Variants in GFRAL observed in about 807,000 individuals in gnomAD.
The protein encoded by GFRAL is GDNF family receptor alpha like.
GFRAL carries 36 observed loss-of-function variants against 45.4 expected under a neutral mutation model. The observed-to-expected ratio is 0.79, with a 90% CI of 0.61 to 1.05. GFRAL has a LOEUF of 1.05. Among genes scored for constraint, GFRAL ranks in the 50% least tolerant of loss-of-function variants. The pLI is 0.00. For missense variants in GFRAL, 507 were observed against 467.5 expected (o/e 1.08, Z -0.78); for synonymous variants, 166 against 154.1 (o/e 1.08, Z -0.57).
chr6:55,360,780 C>G (rs1442560922), intron 6 of GFRAL, among the ~76,000 whole-genome samples: 2 of 151,720 alleles, frequency 1.3e-5, no homozygotes, highest in Admixed American at 1.3e-4. Context: ...ACCAAATAAC[C>G]AATTTGGTAT....
At chr6:55,348,727 C>G (rs914615047) in intron 3 of GFRAL, among the ~76,000 whole-genome samples, 1 of 152,182 alleles carries the variant, frequency 6.6e-6, no homozygotes, top group South Asian at 2.1e-4. Flanking sequence ...CTCTTTTAAC[C>G]TAAAGACACC....
chr6:55,386,731 T>C (rs1262693999), intron 6 of GFRAL, among the ~76,000 whole-genome samples: 2 of 152,018 alleles, frequency 1.3e-5, no homozygotes, highest in Admixed American at 1.3e-4. Context: ...CATGGAGGAG[T>C]AGTTCCTAAA....
At chr6:55,380,520 T>C (rs1768594279) in intron 6 of GFRAL, among the ~76,000 whole-genome samples, 1 of 151,956 alleles carries the variant, frequency 6.6e-6, no homozygotes, top group Non-Finnish European at 1.5e-5. Flanking sequence ...TTTAAAAAGT[T>C]ATCCAGGTGG....
At chr6:55,346,833 C>CT (rs1438402226) in intron 3 of GFRAL, among the ~76,000 whole-genome samples, 2 of 48,132 alleles carry the variant, frequency 4.2e-5, no homozygotes, top group Non-Finnish European at 1.0e-4. Flanking sequence ...ACAAGAAATC[C>CT]CCCCCCCCCA....
intron 8 of GFRAL, among the ~76,000 whole-genome samples, chr6:55,400,985 T>G (rs1365230534): frequency 6.6e-6 from 1 of 152,128 alleles, no homozygotes; most frequent in Non-Finnish European, 1.5e-5. Flanking sequence ...TCCCACTGGT[T>G]TTTAGATACT....
At chr6:55,359,604 T>C (rs562361924) in intron 6 of GFRAL, among the ~76,000 whole-genome samples, 27 of 152,100 alleles carry the variant, frequency 1.8e-4, no homozygotes, top group African/African-American at 6.3e-4. Context: ...TATAGTCATC[T>C]GGTATCTTTA....
intron 5 of GFRAL, among the ~76,000 whole-genome samples, chr6:55,354,925 G>C (rs577604553): frequency 6.6e-6 from 1 of 151,844 alleles, no homozygotes; most frequent in Non-Finnish European, 1.5e-5. Flanking sequence ...CCTTTCTCTA[G>C]TACCGACACC....
chr6:55,400,412 C>T (rs1431262041), intron 8 of GFRAL, among the ~76,000 whole-genome samples: 1 of 152,116 alleles, frequency 6.6e-6, no homozygotes, highest in Non-Finnish European at 1.5e-5. Flanking sequence ...CTCTACAATA[C>T]ATATAAACAT....
At chr6:55,334,104 A>G (rs1402313884) in intron 3 of GFRAL, among the ~76,000 whole-genome samples, 160 bp downstream of exon 3, 1 of 152,096 alleles carries the variant, frequency 6.6e-6, no homozygotes, top group Non-Finnish European at 1.5e-5. Flanking sequence ...TAGTAGGTGT[A>G]TCTATTTGAG....
chr6:55,333,206 T>G (rs1362264193), intron 2 of GFRAL, among the ~76,000 whole-genome samples: 3 of 152,062 alleles, frequency 2.0e-5, no homozygotes, highest in African/African-American at 7.2e-5. Context: ...TAAACTAAGG[T>G]AGTTTTATTC....
At chr6:55,369,475 T>C (rs770246337) in intron 6 of GFRAL, among the ~76,000 whole-genome samples, 42 of 152,160 alleles carry the variant, frequency 2.8e-4, no homozygotes, top group African/African-American at 8.7e-4. Context: ...CCCTGCTTAA[T>C]TCTTTTTAAA....
chr6:55,400,891 G>A (rs6920497), intron 8 of GFRAL, among the ~76,000 whole-genome samples: 103,482 of 151,992 alleles, frequency 0.68, 35,667 homozygotes, highest in East Asian at 0.78. Context: ...TTTCTGGCCC[G>A]GCAAAAACAT....
chr6:55,382,490 G>T (rs1180816805), intron 6 of GFRAL, among the ~76,000 whole-genome samples: 1 of 151,736 alleles, frequency 6.6e-6, no homozygotes, highest in Non-Finnish European at 1.5e-5. Context: ...TCTTTGGGTT[G>T]GGTCCTCAGG....
At chr6:55,393,672 G>T (rs73439277) in intron 6 of GFRAL, among the ~76,000 whole-genome samples, 4 of 151,878 alleles carry the variant, frequency 2.6e-5, no homozygotes, top group Non-Finnish European at 5.9e-5. Flanking sequence ...AGAGGCAAGG[G>T]GGGAGGAAAG....
chr6:55,343,550 C>T (rs1328828349), intron 3 of GFRAL, among the ~76,000 whole-genome samples: 1 of 152,138 alleles, frequency 6.6e-6, no homozygotes, highest in Admixed American at 6.5e-5. Flanking sequence ...AAATTTATAG[C>T]ACTAAATGCC....
chr6:55,395,175 A>AAAATATATATATATATATATATATAT, intron 6 of GFRAL, among the ~76,000 whole-genome samples: 11 of 123,488 alleles, frequency 8.9e-5, no homozygotes, highest in African/African-American at 2.1e-4. Flanking sequence ...AAAAAAAAAA[A>AAAATATATATATATATATATATATAT]ATATATATAT....
At position 55,358,926 on chromosome 6, in the gene GFRAL, G is replaced by C; in HGVS notation, c.740G>C (p.Arg247Pro). 6.2e-7 allele frequency: 1 copy of C among 1,612,458 alleles called. No individual in the cohort carries two copies. Among genetic ancestry groups the C allele is most frequent in the Non-Finnish European group, 8.5e-7 (1 of 1,178,886 alleles). ...YRTFQSKCWQRVTRKCHEDEN... is the reference protein window; with the variant it reads ...YRTFQSKCWQPVTRKCHEDEN... ...ACATTTCAGTCAAAATGCTGGCAGC[G>C]TGTGACTAGAAAGTGCCATGAAGAT... Residue 247 changes from arginine to proline, a missense_variant, in exon 6 of 9, where the codon CGT becomes CCT. Coordinates refer to ENST00000340465, the MANE Select transcript of GFRAL (RefSeq NM_207410.2).
intron 6 of GFRAL, among the ~76,000 whole-genome samples, chr6:55,365,118 G>A (rs1768341466): frequency 6.6e-6 from 1 of 151,500 alleles, no homozygotes; most frequent in Non-Finnish European, 1.5e-5. Context: ...ATTTCCTTGA[G>A]GAGTGGTTTG....
At chr6:55,353,822 T>C (rs983544403) in intron 5 of GFRAL, among the ~76,000 whole-genome samples, 1 of 152,076 alleles carries the variant, frequency 6.6e-6, no homozygotes, top group Non-Finnish European at 1.5e-5. Context: ...AATAATGGTA[T>C]CTTCTGAAAT....
Sources: allele counts gnomAD v4.1 joint callset (sites outside exome capture counted in the v4.1 genomes callset), GRCh38; gene constraint gnomAD v4.1.1; transcripts MANE v1.5; gene names NCBI Gene and HGNC (gene_info 2026-07-23, HGNC 2026-07-21).